Variants in CEBPZ observed in about 807,000 individuals in gnomAD.
CEBPZ encodes the protein CCAAT enhancer binding protein zeta.
A neutral mutation model predicts 104.5 loss-of-function variants in CEBPZ; 78 were observed. The observed-to-expected ratio is 0.75, with a 90% CI of 0.62 to 0.90. CEBPZ has a LOEUF of 0.90. Ranked by LOEUF, CEBPZ falls within the 40% of genes least tolerant of loss-of-function variation. The pLI is 0.00. For missense variants in CEBPZ, 1,439 were observed against 1,233.5 expected (o/e 1.17, Z -2.50); for synonymous variants, 470 against 427.0 (o/e 1.10, Z -1.24).
In CEBPZ at chr2:37,227,627, G is replaced by C; in HGVS notation, c.1566C>G (p.Thr522=). Residue 522 remains threonine, a synonymous_variant, in exon 2 of 16, where the codon ACC becomes ACG. Coordinates refer to ENST00000234170, the MANE Select transcript of CEBPZ (RefSeq NM_005760.3). ...AAAGCAACATTAAAGCCTGGACACT[G>C]GTATTAAAATTCACAATATGCAACA... is the stretch of plus-strand genomic sequence containing the variant. ...FKVLHIVNFN[T]SVQALMLLFQ... 2 of 1,614,026 alleles carry C rather than the reference G, an allele frequency of 1.2e-6. No individual in the cohort carries two copies. Among genetic ancestry groups the C allele is most frequent in the Non-Finnish European group, 1.7e-6 (2 of 1,179,988 alleles).
chr2:37,231,587 C>T lies in CEBPZ; in HGVS notation c.-20G>A. The T allele has an allele frequency of 1.9e-6, 3 of 1,614,236 alleles. No individual in the cohort carries two copies. The highest frequency in any genetic ancestry group is 4.5e-5 in the East Asian group (2 of 44,880). On this transcript the variant is annotated 5_prime_UTR_variant, in exon 1 of 16. Transcript: ENST00000234170. ...GGCCATGGCGGGCAAAGCATACGCG[C>T]GTGAAACTCAGCCTATTTCCGCTCT...
At chr2:37,229,092 A>T in intron 1 of CEBPZ, 56 bp from the exon 2 acceptor site, 3 of 1,321,542 alleles carry the variant, frequency 2.3e-6, no homozygotes, top group Non-Finnish European at 3.0e-6. Context: ...TAAAACCATA[A>T]AATAATAGGA....
At position 37,231,452 on chromosome 2, in the gene CEBPZ, C is replaced by A. The variant is rs764141578; in HGVS notation, c.116G>T (p.Gly39Val). The change falls in exon 1 of 16, where the codon GGG becomes GTG. Residue 39 changes from glycine to valine, a missense_variant. By Grantham distance (109) the Gly-to-Val change is moderately radical. Coordinates refer to ENST00000234170, the MANE Select transcript of CEBPZ (RefSeq NM_005760.3). ...CCGTAACACTTCCTCCAGGGAGAAC[C>A]CATTCTCGGCTTCACTAGTATTATC... is the stretch of plus-strand genomic sequence containing the variant. ...DEDNTSEAENGFSLEEVLRLG... is the reference protein window; with the variant it reads ...DEDNTSEAENVFSLEEVLRLG... The A allele has an allele frequency of 7.9e-5, 128 of 1,614,112 alleles. No homozygotes were observed. Among genetic ancestry groups the A allele is most frequent in the Non-Finnish European group, 1.1e-4 (125 of 1,180,048 alleles).
rs2148331654 is a variant in CEBPZ, at chr2:37,202,837, C to T, written c.2972G>A (p.Gly991Glu). The T allele has an allele frequency of 1.2e-6, 2 of 1,601,288 alleles. No homozygotes were observed. Among genetic ancestry groups the T allele is most frequent in the East Asian group, 2.3e-5 (1 of 44,366 alleles). ...EFGHLLDENM[G>E]SKFDNIGMNA... ...CATGCCAATGTTATCAAACTTGGATCCCATATTTTCATCCAATAGATGGCC... is the reference window on the plus strand; with the variant it reads ...CATGCCAATGTTATCAAACTTGGATTCCATATTTTCATCCAATAGATGGCC... The change falls in exon 15 of 16, where the codon GGA (glycine) becomes GAA (glutamate). Residue 991 changes from glycine to glutamate, a missense_variant. Transcript: ENST00000234170.
At position 37,222,420 on chromosome 2, in the gene CEBPZ, T is replaced by C. The variant is rs777017502; in HGVS notation, c.2025A>G (p.Lys675=). Residue 675 remains lysine (K), a synonymous_variant, in exon 4 of 16, where the codon AAA becomes AAG. Coordinates refer to ENST00000234170, the MANE Select transcript of CEBPZ (RefSeq NM_005760.3). Reference sequence around the variant, plus strand: ...AGTGCACCCAGGAAGCAACCTCTGGTTTTTTGGTTTCTACATCAGTTTCAG... The same window carrying C: ...AGTGCACCCAGGAAGCAACCTCTGGCTTTTTGGTTTCTACATCAGTTTCAG... ...TVPETDVETK[K]PEVASWVHFD... 12 of 1,598,336 alleles carry C rather than the reference T, an allele frequency of 7.5e-6. No homozygotes were observed. Among genetic ancestry groups the C allele is most frequent in the Non-Finnish European group, 1.0e-5 (12 of 1,175,056 alleles).
chr2:37,230,756 C>T (rs1259479848), intron 1 of CEBPZ, among the ~76,000 whole-genome samples: 1 of 152,162 alleles, frequency 6.6e-6, no homozygotes, highest in Non-Finnish European at 1.5e-5. Context: ...ATAGGTTAGG[C>T]ACTCTTCTGC....
At chr2:37,218,700 T>C (rs1321081624) in intron 5 of CEBPZ, among the ~76,000 whole-genome samples, 1 of 152,054 alleles carries the variant, frequency 6.6e-6, no homozygotes, top group Non-Finnish European at 1.5e-5. Context: ...AGTCAGGAGT[T>C]CGAGACCAGC....
At position 37,201,661 on chromosome 2, in the gene CEBPZ, G is replaced by C. The variant is rs1197239871; in HGVS notation, c.*103C>G. ...TTATAGTTTATTACAAATCCACTGAGAAGTCTGGAATGTATGGAATCAGAG... is the reference window on the plus strand; with the variant it reads ...TTATAGTTTATTACAAATCCACTGACAAGTCTGGAATGTATGGAATCAGAG... On this transcript the variant is annotated 3_prime_UTR_variant, in exon 16 of 16. Transcript: ENST00000234170. 1.3e-6 allele frequency: 1 copy of C among 766,000 alleles called. No homozygotes were observed. The highest frequency in any genetic ancestry group is 2.3e-6 in the Non-Finnish European group (1 of 433,330). 47.5% of individuals were successfully genotyped at this position (766,000 alleles called of 1,614,324 possible).
Position 37,201,904 on chromosome 2 carries a change from C to G in CEBPZ, c.3026-1G>C. The G allele has an allele frequency of 6.2e-7, 1 of 1,611,316 alleles. No homozygotes were observed. Among genetic ancestry groups the G allele is most frequent in the Non-Finnish European group, 8.5e-7 (1 of 1,179,292 alleles). On this transcript the variant is annotated splice_acceptor_variant, in intron 15 of 15. Transcript: ENST00000234170. LOFTEE classifies it high-confidence loss of function. ...GCCTCCCATCTAAGCTGTTTGAGAC[C>G]TTTGAGAGAAGAAGAAAAGATGAGT...
chr2:37,217,182 G>C (rs1664625351), intron 5 of CEBPZ, 145 bp from the exon 6 acceptor site: 1 of 633,834 alleles, frequency 1.6e-6, no homozygotes, highest in African/African-American at 1.9e-5. Flanking sequence ...CAGATTGCTT[G>C]AGCCCAGAAG....
At chr2:37,227,222 A>C (rs1664908065) in intron 2 of CEBPZ, among the ~76,000 whole-genome samples, 1 of 152,214 alleles carries the variant, frequency 6.6e-6, no homozygotes, top group Non-Finnish European at 1.5e-5. Flanking sequence ...TATTTCTTTA[A>C]TATCCCAAAA....
intron 4 of CEBPZ, among the ~76,000 whole-genome samples, chr2:37,221,767 T>A (rs1664776010): frequency 6.6e-6 from 1 of 152,192 alleles, no homozygotes; most frequent in African/African-American, 2.4e-5. Context: ...AATTTGACTG[T>A]GAGTCCCAAA....
chr2:37,202,035 C>T (rs1677271114), intron 15 of CEBPZ, 132 bp from the exon 16 acceptor site: 1 of 601,856 alleles, frequency 1.7e-6, no homozygotes, highest in East Asian at 2.8e-5. Flanking sequence ...TATACAAACC[C>T]ACTGCTTGTT....
rs1558478240 is a variant in CEBPZ at position 37,227,525 on chromosome 2, T to C, written c.1649+19A>G. On this transcript the variant is annotated intron_variant, in intron 2 of 15. Coordinates refer to ENST00000234170, the MANE Select transcript of CEBPZ (RefSeq NM_005760.3). ...CAAGTTATTATTTCATGTCTCATAT[T>C]GGAAGGGTATGTTCTTACCTGTATA... 23 of 1,567,488 alleles carry C rather than the reference T, an allele frequency of 1.5e-5. No homozygotes were observed. Among genetic ancestry groups the C allele is most frequent in the Non-Finnish European group, 2.0e-5 (23 of 1,158,300 alleles).
chr2:37,203,091 A>G (rs1677360039), intron 13 of CEBPZ, 83 bp from the exon 14 acceptor site: 2 of 921,672 alleles, frequency 2.2e-6, no homozygotes, highest in East Asian at 5.5e-5. Context: ...TTTTATTTTA[A>G]AAATTATACT....
intron 4 of CEBPZ, among the ~76,000 whole-genome samples, chr2:37,221,608 G>T (rs1294074314): frequency 6.6e-6 from 1 of 152,186 alleles, no homozygotes. Flanking sequence ...ACTAGGAACT[G>T]ACTACCTTCC....
At chr2:37,218,043 G>A (rs539371304) in intron 5 of CEBPZ, among the ~76,000 whole-genome samples, 11 of 151,734 alleles carry the variant, frequency 7.2e-5, no homozygotes, top group Non-Finnish European at 1.5e-4. Context: ...CGAGGCGGGC[G>A]GATCACGAGG....
At chr2:37,216,832 A>G (rs1664592386) in intron 6 of CEBPZ, 152 bp downstream of exon 6, 4 of 656,464 alleles carry the variant, frequency 6.1e-6, no homozygotes, top group Middle Eastern at 4.3e-4. Context: ...GTTATCTGCT[A>G]CTCTGTATGA....
chr2:37,211,849 C>T lies in CEBPZ; in HGVS notation c.2794G>A (p.Val932Ile), dbSNP rs540701590. Residue 932 changes from valine (V) to isoleucine (I), a missense_variant, in exon 12 of 16, where the codon GTT (valine) becomes ATT (isoleucine). Coordinates refer to ENST00000234170, the MANE Select transcript of CEBPZ (RefSeq NM_005760.3). ...MDVLDDESES[V>I]PELEVHSKVS... is the part of the protein sequence containing the mutation. ...TATTTTAAAAAATGCTTACCTGGAA[C>T]GCTCTCACTTTCATCATCTAACACA... 1.5e-5 allele frequency: 24 copies of T among 1,591,746 alleles called. No individual in the cohort carries two copies. The highest frequency in any genetic ancestry group is 5.8e-5 in the South Asian group (5 of 86,880).
Sources: gnomAD v4.1 joint callset for allele counts (sites outside exome capture counted in the v4.1 genomes callset) on GRCh38, gnomAD v4.1.1 for gene constraint, MANE v1.5 for transcripts, NCBI Gene and HGNC (gene_info 2026-07-23, HGNC 2026-07-21) for gene names.